The following MCTP2 variants were observed in gnomAD, a reference collection of about 807,000 sequenced individuals.
MCTP2 encodes multiple C2 and transmembrane domain-containing protein 2.
In MCTP2, 132 loss-of-function variants were observed where a neutral mutation model predicts 111.6. The ratio of observed to expected loss-of-function variants is 1.18; its 90% confidence interval spans 1.03 to 1.37. MCTP2 has a LOEUF of 1.37. MCTP2 is among the 40% of genes most tolerant of loss of function. MCTP2 has a pLI of 0.00. For synonymous variants in MCTP2, 395 were observed against 387.7 expected (o/e 1.02, Z -0.22); for missense variants, 1,183 against 1,067.9 (o/e 1.11, Z -1.50).
chr15:94,321,688 A>G (rs552821084), intron 4 of MCTP2, among the ~76,000 whole-genome samples: 6 of 152,272 alleles, frequency 3.9e-5, no homozygotes, highest in African/African-American at 1.4e-4. Flanking sequence ...AATACAGCTA[A>G]TCAATAAACA....
intron 17 of MCTP2, among the ~76,000 whole-genome samples, chr15:94,428,543 A>T (rs2083000597): frequency 6.6e-6 from 1 of 151,838 alleles, no homozygotes; most frequent in South Asian, 2.1e-4. Flanking sequence ...ATCTTTCAGC[A>T]TTTCTGGAAA....
chr15:94,270,298 T>A (rs983499196), intron 1 of MCTP2, among the ~76,000 whole-genome samples: 1 of 152,196 alleles, frequency 6.6e-6, no homozygotes, highest in African/African-American at 2.4e-5. Context: ...ACAGTTTGCA[T>A]TTGCTTCATC....
intron 1 of MCTP2, among the ~76,000 whole-genome samples, chr15:94,249,734 C>G (rs1041792939): frequency 1.3e-5 from 2 of 152,104 alleles, no homozygotes; most frequent in African/African-American, 4.8e-5. Flanking sequence ...ATCCACCCAC[C>G]TCAGCCTCCC....
intron 17 of MCTP2, among the ~76,000 whole-genome samples, chr15:94,422,150 G>C (rs17631184): frequency 6.6e-6 from 1 of 152,040 alleles, no homozygotes; most frequent in Non-Finnish European, 1.5e-5. Context: ...TTTCCCCAAG[G>C]CTGCTAGTAT....
chr15:94,324,764 A>G (rs1257013955), intron 4 of MCTP2, among the ~76,000 whole-genome samples: 1 of 152,230 alleles, frequency 6.6e-6, no homozygotes, highest in Non-Finnish European at 1.5e-5. Flanking sequence ...TCGCTGTTAC[A>G]TAGCATAATT....
chr15:94,302,785 G>A (rs2075684542), intron 2 of MCTP2, among the ~76,000 whole-genome samples: 1 of 152,042 alleles, frequency 6.6e-6, no homozygotes, highest in African/African-American at 2.4e-5. Context: ...CATGTTTGTG[G>A]GGTCTTTTGT....
intron 3 of MCTP2, among the ~76,000 whole-genome samples, chr15:94,314,564 G>T (rs1220156061): frequency 6.6e-6 from 1 of 152,126 alleles, no homozygotes; most frequent in African/African-American, 2.4e-5. Context: ...AAAATACAGA[G>T]TAACTATGAA....
At chr15:94,350,527 A>C (rs2078246793) in intron 8 of MCTP2, among the ~76,000 whole-genome samples, 1 of 152,154 alleles carries the variant, frequency 6.6e-6, no homozygotes, top group African/African-American at 2.4e-5. Context: ...CTGAGATCAC[A>C]TCACTGCACC....
At chr15:94,248,690 C>A (rs1028726605) in intron 1 of MCTP2, among the ~76,000 whole-genome samples, 1 of 152,174 alleles carries the variant, frequency 6.6e-6, no homozygotes, top group Admixed American at 6.5e-5. Flanking sequence ...AAGTCTAAAT[C>A]TTTTCAACAC....
chr15:94,371,781 T>C (rs1300006281), intron 12 of MCTP2, among the ~76,000 whole-genome samples: 3 of 152,154 alleles, frequency 2.0e-5, no homozygotes, highest in East Asian at 1.9e-4. Flanking sequence ...CTCCGCCTAC[T>C]GGCTTCAAGC....
At position 94,476,706 on chromosome 15, in the gene MCTP2, A is replaced by G; in HGVS notation, c.2481A>G (p.Lys827=). The change falls in exon 22 of 23, where the codon AAA becomes AAG. Residue 827 remains lysine, a synonymous_variant. Transcript: ENST00000357742. ...RYIILIWGIN[K]FTKKLRNPYS... ...GTTTCTATTTTTCAGGCATAAATAA[A>G]TTTACTAAGAAGCTTCGAAATCCCT... 1 of 1,580,554 alleles carries G rather than the reference A, an allele frequency of 6.3e-7. No individual in the cohort carries two copies. Among genetic ancestry groups the G allele is most frequent in the African/African-American group, 1.3e-5 (1 of 74,218 alleles).
chr15:94,294,712 T>C (rs1164799339), intron 1 of MCTP2, among the ~76,000 whole-genome samples: 1 of 152,144 alleles, frequency 6.6e-6, no homozygotes, highest in East Asian at 1.9e-4. Flanking sequence ...AAGAGGCTGA[T>C]TCCCATTCCC....
intron 4 of MCTP2, among the ~76,000 whole-genome samples, chr15:94,324,722 T>A (rs1265538959): frequency 6.6e-6 from 1 of 152,108 alleles, no homozygotes; most frequent in Non-Finnish European, 1.5e-5. Context: ...AATTTAAAGA[T>A]CTCTCGATAC....
intron 4 of MCTP2, among the ~76,000 whole-genome samples, chr15:94,318,771 G>C (rs370170362): frequency 9.2e-4 from 140 of 152,254 alleles, no homozygotes; most frequent in African/African-American, 3.1e-3. Context: ...TGATGAAGCC[G>C]TTGCACACAT....
chr15:94,457,632 CG>C (rs2084918406), intron 19 of MCTP2, among the ~76,000 whole-genome samples: 1 of 152,118 alleles, frequency 6.6e-6, no homozygotes, highest in Admixed American at 6.5e-5. Flanking sequence ...GAAATGTCAT[CG>C]GGCTGGCAAT....
chr15:94,402,106 C>T (rs942471655), intron 17 of MCTP2, 87 bp downstream of exon 17: 154 of 1,485,058 alleles, frequency 1.0e-4, no homozygotes, highest in South Asian at 1.9e-4. Context: ...TAGGTGATTA[C>T]GTGGGGGTTG....
At chr15:94,233,263 A>C (rs2070314241) in intron 1 of MCTP2, among the ~76,000 whole-genome samples, 1 of 152,034 alleles carries the variant, frequency 6.6e-6, no homozygotes, top group East Asian at 1.9e-4. Context: ...TAAAAGATAA[A>C]ATTTATTATG....
In MCTP2 at chr15:94,358,617, G is replaced by T; in HGVS notation, c.1301+5G>T. 6.2e-7 allele frequency: 1 copy of T among 1,613,210 alleles called. No individual in the cohort carries two copies. The highest frequency in any genetic ancestry group is 8.5e-7 in the Non-Finnish European group (1 of 1,179,486). On this transcript the variant is annotated splice_donor_5th_base_variant and intron_variant, in intron 10 of 22. Transcript: ENST00000357742. ...GCATGAGGAACGTCTGGGCACGTGA[G>T]TCCCCTCTGCTTTCCAGTGGCGGGA...
chr15:94,330,158 C>A (rs1439670677), intron 4 of MCTP2, among the ~76,000 whole-genome samples: 2 of 152,262 alleles, frequency 1.3e-5, no homozygotes, highest in East Asian at 3.9e-4. Context: ...GAAAAGTATT[C>A]CTCATCCTTA....
Sources: allele counts gnomAD v4.1 joint callset (sites outside exome capture counted in the v4.1 genomes callset), GRCh38; gene constraint gnomAD v4.1.1; transcripts MANE v1.5; gene names NCBI Gene and HGNC (gene_info 2026-07-23, HGNC 2026-07-21).